ASPH: variants seen among roughly 807,000 people sequenced by gnomAD.
The protein encoded by ASPH is aspartate beta-hydroxylase, also known as aspartyl/asparaginyl beta-hydroxylase.
In ASPH, 100 loss-of-function variants were observed where a neutral mutation model predicts 118.4. The observed-to-expected ratio is 0.84, with a 90% CI of 0.72 to 1.00. The LOEUF (loss-of-function observed/expected upper bound fraction) is 1.00. ASPH is among the 50% of genes least tolerant of loss of function. ASPH has a pLI of 0.00. For synonymous variants in ASPH, 315 were observed against 325.6 expected (o/e 0.97, Z 0.35); for missense variants, 920 against 919.5 (o/e 1.00, Z -0.01).
chr8:61,504,435 C>G (rs1805642113), intron 24 of ASPH, among the ~76,000 whole-genome samples: 1 of 152,152 alleles, frequency 6.6e-6, no homozygotes, highest in African/African-American at 2.4e-5. Context: ...ATGGGAAATG[C>G]TAGCTTGATT....
chr8:61,578,933 G>A, intron 15 of ASPH: 5 of 1,611,702 alleles, frequency 3.1e-6, no homozygotes, highest in Non-Finnish European at 2.5e-6. Context: ...TGCAGTCCCA[G>A]ATCTCGGACA....
chr8:61,625,768 C>T (rs1852527981), intron 13 of ASPH: 1 of 985,496 alleles, frequency 1.0e-6, no homozygotes, highest in Admixed American at 6.1e-5. Context: ...CAAATCTTCA[C>T]AGCTAATGAT....
chr8:61,506,887 G>C lies in ASPH; in HGVS notation c.2127-3378C>G, dbSNP rs145129596. On this transcript the variant is annotated intron_variant, in intron 24 of 24. Coordinates refer to ENST00000379454, the MANE Select transcript of ASPH (RefSeq NM_004318.4). Reference sequence around the variant, plus strand: ...AACTAAAAACTTCCAAGGGAGATGAGATATAAAAACATCTTCAGAGCATCT... The same window carrying C: ...AACTAAAAACTTCCAAGGGAGATGACATATAAAAACATCTTCAGAGCATCT... 7.9e-3 allele frequency among the ~76,000 whole-genome samples: 1,202 copies of C among 152,224 alleles called. 14 individuals are homozygous for C. Among genetic ancestry groups the C allele is most frequent in the African/African-American group, 0.027 (1,130 of 41,530 alleles).
chr8:61,548,132 T>C lies in ASPH; in HGVS notation c.1703A>G (p.Asn568Ser). 2 of 1,614,068 alleles carry C rather than the reference T, an allele frequency of 1.2e-6. No individual in the cohort carries two copies. Among genetic ancestry groups the C allele is most frequent in the Non-Finnish European group, 1.7e-6 (2 of 1,179,932 alleles). ...SVWQRSLYNVNGLKAQPWWTP... is the reference protein window; with the variant it reads ...SVWQRSLYNVSGLKAQPWWTP... ...CCACCAAGGCTGTGCTTTCAGTCCATTCACATTGTAGAGTGAGCGTTGCCA... is the reference window on the plus strand; with the variant it reads ...CCACCAAGGCTGTGCTTTCAGTCCACTCACATTGTAGAGTGAGCGTTGCCA... The change falls in exon 21 of 25, where the codon AAT becomes AGT. Residue 568 changes from asparagine (N) to serine (S), a missense_variant. By Grantham distance (46) the Asn-to-Ser change is conservative (BLOSUM62 1). Coordinates refer to ENST00000379454, the MANE Select transcript of ASPH (RefSeq NM_004318.4).
At chr8:61,704,226 A>C (rs945411661) in intron 1 of ASPH, among the ~76,000 whole-genome samples, 16 of 135,738 alleles carry the variant, frequency 1.2e-4, no homozygotes, top group Admixed American at 6.7e-4. Context: ...AAAAAAAAAA[A>C]AAAAAAACAG....
intron 14 of ASPH, among the ~76,000 whole-genome samples, chr8:61,592,137 G>GGGGA (rs1841315452): frequency 6.6e-6 from 1 of 152,116 alleles, no homozygotes; most frequent in Non-Finnish European, 1.5e-5. Context: ...TTGAGCCTTT[G>GGGGA]TTTTTTCATC....
intron 20 of ASPH, among the ~76,000 whole-genome samples, chr8:61,551,453 G>C (rs1374666303): frequency 6.6e-6 from 1 of 152,190 alleles, no homozygotes; most frequent in Non-Finnish European, 1.5e-5. Context: ...GTTTGTTTCT[G>C]TTCTCCTGTA....
At chr8:61,620,381 C>T (rs890658885) in intron 13 of ASPH, among the ~76,000 whole-genome samples, 4 of 149,908 alleles carry the variant, frequency 2.7e-5, no homozygotes, top group African/African-American at 9.9e-5. Flanking sequence ...GTGTACCTTT[C>T]TTCAAAGAGA....
At chr8:61,661,921 A>G in intron 3 of ASPH, 1 of 457,074 alleles carries the variant, frequency 2.2e-6, no homozygotes, top group South Asian at 4.9e-5. Flanking sequence ...ATACAATGCA[A>G]ATTACCTATA....
intron 14 of ASPH, among the ~76,000 whole-genome samples, chr8:61,609,479 C>A (rs921391395): frequency 6.6e-6 from 1 of 152,038 alleles, no homozygotes; most frequent in Admixed American, 6.6e-5. Flanking sequence ...TGGGGTGGAT[C>A]CCAATGGATG....
At chr8:61,674,527 T>C (rs1011590645) in intron 3 of ASPH, among the ~76,000 whole-genome samples, 11 of 152,184 alleles carry the variant, frequency 7.2e-5, no homozygotes, top group African/African-American at 2.4e-4. Context: ...CTTTAAGAGA[T>C]TATTGTCCAG....
At chr8:61,637,297 G>A (rs955586071) in intron 12 of ASPH, among the ~76,000 whole-genome samples, 15 of 152,028 alleles carry the variant, frequency 9.9e-5, no homozygotes, top group South Asian at 4.1e-4. Context: ...CCTAGGGCTA[G>A]CCAGTCACCT....
At chr8:61,517,226 C>A (rs1248370580) in intron 24 of ASPH, 3 of 313,638 alleles carry the variant, frequency 9.6e-6, no homozygotes, top group Non-Finnish European at 6.0e-6. Context: ...GGGCTCAATG[C>A]ATGTTGGCTG....
intron 14 of ASPH, among the ~76,000 whole-genome samples, chr8:61,615,948 G>C (rs1049904743): frequency 4.2e-4 from 64 of 151,924 alleles, no homozygotes; most frequent in African/African-American, 1.2e-3. Context: ...GAATCGATTT[G>C]AATAAAAAAT....
intron 13 of ASPH, chr8:61,626,346 T>C: frequency 7.2e-7 from 1 of 1,386,690 alleles, no homozygotes; most frequent in Non-Finnish European, 9.4e-7. Flanking sequence ...ACTGCTTCAT[T>C]TTCATTCTAC....
intron 3 of ASPH, chr8:61,659,810 A>G (rs143130755): frequency 4.7e-4 from 71 of 152,248 alleles, no homozygotes; most frequent in African/African-American, 1.7e-3. Flanking sequence ...TTTAAACTGA[A>G]TGGGGCAAAA....
At chr8:61,670,595 A>C (rs1004429133) in intron 3 of ASPH, among the ~76,000 whole-genome samples, 1 of 152,090 alleles carries the variant, frequency 6.6e-6, no homozygotes, top group Non-Finnish European at 1.5e-5. Context: ...AAAAGGAAAA[A>C]GTTTGAAGAA....
intron 9 of ASPH, 136 bp from the exon 10 acceptor site, chr8:61,643,056 A>G (rs1806025728): frequency 3.7e-6 from 3 of 806,780 alleles, no homozygotes; most frequent in Non-Finnish European, 3.7e-6. Context: ...TGCTCAGTCA[A>G]TAATAAATGC....
intron 24 of ASPH, among the ~76,000 whole-genome samples, chr8:61,516,655 T>A (rs937925951): frequency 2.0e-5 from 3 of 152,144 alleles, no homozygotes; most frequent in Admixed American, 2.0e-4. Flanking sequence ...AGGAATGGGA[T>A]TACTGAGGAT....
Sources: gnomAD v4.1 joint callset for allele counts (sites outside exome capture counted in the v4.1 genomes callset) on GRCh38, gnomAD v4.1.1 for gene constraint, MANE v1.5 for transcripts, NCBI Gene and HGNC (gene_info 2026-07-23, HGNC 2026-07-21) for gene names.